The following KCNIP4 variants were observed in gnomAD, a reference collection of about 807,000 sequenced individuals.
KCNIP4 encodes potassium voltage-gated channel interacting protein 4.
In KCNIP4, 12 loss-of-function variants were observed where a neutral mutation model predicts 34.0. The ratio of observed to expected loss-of-function variants is 0.35; its 90% CI spans 0.23 to 0.57. The LOEUF (loss-of-function observed/expected upper bound fraction) is 0.57. Ranked by LOEUF, KCNIP4 falls within the 20% of genes least tolerant of loss-of-function variation. The pLI, the probability that KCNIP4 is intolerant of heterozygous loss-of-function variation, is 0.83. For synonymous variants in KCNIP4, 124 were observed against 102.2 expected, an observed-to-expected ratio of 1.21 and a Z score of -1.29; for missense variants, 238 against 311.7, an observed-to-expected ratio of 0.76 and a Z score of 1.78.
intron 1 of KCNIP4, among the ~76,000 whole-genome samples, chr4:20,886,992 G>A (rs1577317356): frequency 6.6e-6 from 1 of 152,080 alleles, no homozygotes; most frequent in South Asian, 2.1e-4. Flanking sequence ...TAGCACAGAT[G>A]TTGGAAGTTG....
chr4:21,156,520 CA>C (rs1400982258), intron 1 of KCNIP4, among the ~76,000 whole-genome samples: 2 of 152,120 alleles, frequency 1.3e-5, no homozygotes, highest in Non-Finnish European at 1.5e-5. Context: ...CTGTGACATA[CA>C]TGAGAAATAT....
chr4:20,769,072 C>CAAAAA (rs5856579), intron 3 of KCNIP4, among the ~76,000 whole-genome samples: 2 of 99,762 alleles, frequency 2.0e-5, no homozygotes, highest in African/African-American at 6.6e-5. Context: ...GATTTACAGC[C>CAAAAA]AAAAAAAAAA....
intron 1 of KCNIP4, among the ~76,000 whole-genome samples, chr4:20,908,936 T>A (rs1728065411): frequency 6.6e-6 from 1 of 152,218 alleles, no homozygotes; most frequent in Non-Finnish European, 1.5e-5. Flanking sequence ...CTTATTGTTA[T>A]TATTGAGCAT....
chr4:21,175,612 C>A (rs1754349617), intron 1 of KCNIP4, among the ~76,000 whole-genome samples: 1 of 152,134 alleles, frequency 6.6e-6, no homozygotes, highest in South Asian at 2.1e-4. Context: ...TGCTTTGGGG[C>A]CATGATTAAA....
At chr4:21,823,323 A>G (rs931348937) in intron 1 of KCNIP4, among the ~76,000 whole-genome samples, 2 of 152,052 alleles carry the variant, frequency 1.3e-5, no homozygotes, top group Admixed American at 1.3e-4. Context: ...ATTTATTTAC[A>G]TGAAAGAAAA....
chr4:21,543,712 C>A (rs1357373207), intron 1 of KCNIP4, among the ~76,000 whole-genome samples: 3 of 152,126 alleles, frequency 2.0e-5, no homozygotes, highest in Admixed American at 6.5e-5. Flanking sequence ...ACCTTTGTTT[C>A]TCCGATTACA....
chr4:21,701,126 G>A (rs1270327974), intron 1 of KCNIP4, among the ~76,000 whole-genome samples: 1 of 152,148 alleles, frequency 6.6e-6, no homozygotes, highest in Admixed American at 6.6e-5. Flanking sequence ...ACTCAAGGAT[G>A]TTCTATGCTA....
At chr4:21,879,662 A>G (rs1188632611) in intron 1 of KCNIP4, among the ~76,000 whole-genome samples, 1 of 152,148 alleles carries the variant, frequency 6.6e-6, no homozygotes, top group African/African-American at 2.4e-5. Context: ...AAAGACAACC[A>G]ATTTTTCCCT....
At chr4:21,772,149 T>G (rs1205677981) in intron 1 of KCNIP4, among the ~76,000 whole-genome samples, 2 of 152,204 alleles carry the variant, frequency 1.3e-5, no homozygotes, top group Non-Finnish European at 2.9e-5. Flanking sequence ...TTGAATTTTA[T>G]CAAAGGCCTT....
intron 5 of KCNIP4, among the ~76,000 whole-genome samples, chr4:20,748,874 G>C (rs1578509744): frequency 1.0e-5 from 1 of 99,140 alleles, no homozygotes; most frequent in South Asian, 3.3e-4. Flanking sequence ...AATTACGTGT[G>C]TGTGTGTATG....
intron 1 of KCNIP4, among the ~76,000 whole-genome samples, chr4:21,777,340 G>T (rs1455602035): frequency 6.6e-6 from 1 of 152,114 alleles, no homozygotes; most frequent in Non-Finnish European, 1.5e-5. Flanking sequence ...ATATTTCTCA[G>T]ACACACTTGG....
At chr4:21,333,485 C>T (rs546350570) in intron 1 of KCNIP4, among the ~76,000 whole-genome samples, 25 of 151,976 alleles carry the variant, frequency 1.6e-4, no homozygotes, top group African/African-American at 5.3e-4. Context: ...CTGTAAGGTA[C>T]GTTGTATCAT....
intron 1 of KCNIP4, among the ~76,000 whole-genome samples, chr4:21,701,171 G>A (rs1712805250): frequency 6.6e-6 from 1 of 152,134 alleles, no homozygotes. Context: ...AACGAATATA[G>A]TATGATCTCA....
intron 1 of KCNIP4, among the ~76,000 whole-genome samples, chr4:20,953,415 T>C (rs753248490): frequency 3.9e-5 from 6 of 152,208 alleles, no homozygotes; most frequent in African/African-American, 9.6e-5. Context: ...CTCACACATG[T>C]AATCCCAGCA....
chr4:20,980,225 T>A (rs1402485065), intron 1 of KCNIP4, among the ~76,000 whole-genome samples: 1 of 152,226 alleles, frequency 6.6e-6, no homozygotes, highest in Non-Finnish European at 1.5e-5. Flanking sequence ...GGCACTTTAA[T>A]GTTCATCTTG....
At chr4:20,953,702 C>T (rs537963181) in intron 1 of KCNIP4, among the ~76,000 whole-genome samples, 13 of 152,250 alleles carry the variant, frequency 8.5e-5, no homozygotes, top group African/African-American at 2.9e-4. Context: ...AATAAATACA[C>T]TGTAATTTAC....
Position 20,734,656 on chromosome 4 carries a change from A to G in KCNIP4, c.509T>C (p.Ile170Thr). 1.3e-5 allele frequency: 21 copies of G among 1,584,838 alleles called. No individual in the cohort carries two copies. The highest frequency in any genetic ancestry group is 1.8e-5 in the Non-Finnish European group (21 of 1,162,316). The change falls in exon 6 of 9, where the codon ATA becomes ACA. Residue 170 changes from isoleucine to threonine, a missense_variant. Physicochemically the swap from Ile to Thr is moderately conservative, Grantham distance 89. Transcript: ENST00000382152. ...KLNWAFNLYD[I>T]NKDGYITKEE... is the part of the protein sequence containing the mutation. ...TTTAGTGATGTAGCCATCTTTATTT[A>G]TGTCATACAGATTAAATGCCCAATT...
At chr4:20,923,989 T>C (rs929985378) in intron 1 of KCNIP4, among the ~76,000 whole-genome samples, 1 of 152,190 alleles carries the variant, frequency 6.6e-6, no homozygotes, top group Non-Finnish European at 1.5e-5. Flanking sequence ...TTCTTCATTG[T>C]TTAGCTCCTA....
intron 1 of KCNIP4, among the ~76,000 whole-genome samples, chr4:20,959,160 A>G (rs1467929772): frequency 6.6e-6 from 1 of 152,252 alleles, no homozygotes; most frequent in Non-Finnish European, 1.5e-5. Context: ...GCTATCCAAG[A>G]GTAGCATAAG....
Sources: gnomAD v4.1 joint callset for allele counts (sites outside exome capture counted in the v4.1 genomes callset) on GRCh38, gnomAD v4.1.1 for gene constraint, MANE v1.5 for transcripts, NCBI Gene and HGNC (gene_info 2026-07-23, HGNC 2026-07-21) for gene names.